ADRA1A: variants seen among roughly 807,000 people sequenced by gnomAD.
The protein encoded by ADRA1A is adrenoceptor alpha 1A.
In ADRA1A, 31 loss-of-function variants were observed where a neutral mutation model predicts 29.6. That is an observed-to-expected ratio of 1.05 (90% CI 0.79 to 1.41). The LOEUF (loss-of-function observed/expected upper bound fraction) is 1.41. Among genes scored for constraint, ADRA1A ranks in the 40% most tolerant of loss-of-function variants. The pLI, the probability that ADRA1A is intolerant of heterozygous loss-of-function variation, is 0.00. For missense variants in ADRA1A, 619 were observed against 601.1 expected (o/e 1.03, Z -0.31); for synonymous variants, 311 against 254.3 (o/e 1.22, Z -2.12).
chr8:26,853,434 A>C lies in ADRA1A; in HGVS notation c.883+10653T>G, dbSNP rs137990290. On this transcript the variant is annotated intron_variant, in intron 2 of 2. Transcript: ENST00000380573. ...GTACAATAGACAAAATAATTTTGAA[A>C]AAGAATATTCATCCAGGCCTTAACC... Among the ~76,000 whole-genome samples the C allele has an allele frequency of 3.1e-3, 471 of 152,336 alleles. 3 individuals are homozygous for C. Among genetic ancestry groups the C allele is most frequent in the African/African-American group, 0.011 (448 of 41,584 alleles).
chr8:26,812,425 T>A (rs1009874809), intron 2 of ADRA1A, among the ~76,000 whole-genome samples: 5 of 152,114 alleles, frequency 3.3e-5, no homozygotes, highest in Non-Finnish European at 7.4e-5. Flanking sequence ...GTTTAAATAA[T>A]AATGACACTA....
In ADRA1A at chr8:26,770,614, A is replaced by G; in HGVS notation, c.936T>C (p.Phe312=). ...KPSETVFKIV[F]WLGYLNSCIN... is the part of the protein sequence containing the mutation. Reference sequence around the variant, plus strand: ...TGCAGCTGTTTAGATATCCGAGCCAAAATACTATTTTAAAAACTGTTTCAG... The same window carrying G: ...TGCAGCTGTTTAGATATCCGAGCCAGAATACTATTTTAAAAACTGTTTCAG... The change falls in exon 3 of 3, where the codon TTT becomes TTC. Residue 312 remains phenylalanine, a synonymous_variant. Coordinates refer to ENST00000380573, the MANE Select transcript of ADRA1A (RefSeq NM_000680.4). 6.2e-7 allele frequency: 1 copy of G among 1,614,170 alleles called. No individual in the cohort carries two copies. Among genetic ancestry groups the G allele is most frequent in the Non-Finnish European group, 8.5e-7 (1 of 1,180,022 alleles).
chr8:26,853,567 T>C (rs1812787329), intron 2 of ADRA1A, among the ~76,000 whole-genome samples: 1 of 152,148 alleles, frequency 6.6e-6, no homozygotes, highest in Non-Finnish European at 1.5e-5. Context: ...TATTCCAAAA[T>C]AGATCCAAAA....
intron 2 of ADRA1A, chr8:26,757,012 T>C (rs1300049528): frequency 2.8e-6 from 2 of 718,646 alleles, no homozygotes; most frequent in Non-Finnish European, 5.0e-6. Flanking sequence ...TGTGAGATGA[T>C]GCTTTTGGTC....
At chr8:26,800,017 G>A (rs143572762) in intron 2 of ADRA1A, among the ~76,000 whole-genome samples, 2,633 of 152,272 alleles carry the variant, frequency 0.017, 66 homozygotes, top group African/African-American at 0.057. Flanking sequence ...CCAGCACTGT[G>A]GGAGGCTGAG....
rs761502705 is a variant in ADRA1A, at chr8:26,864,787, C to T, written c.183G>A (p.Thr61=). The part of the protein sequence containing the change: ...VACHRHLHSV[T]HYYIVNLAVA... ...CCGCCAGGTTGACGATGTAGTAGTG[C>T]GTGACTGAGTGCAGGTGTCGGTGAC... The change falls in exon 2 of 3, where the codon ACG becomes ACA. Residue 61 remains threonine (T), a synonymous_variant. Transcript: ENST00000380573. The surrounding 1 kb of genome is among the most constrained non-coding windows in gnomAD (Gnocchi z 8.1). 1.2e-6 allele frequency: 2 copies of T among 1,614,128 alleles called. No individual in the cohort carries two copies. Among genetic ancestry groups the T allele is most frequent in the African/African-American group, 1.3e-5 (1 of 75,030 alleles).
chr8:26,822,333 A>G (rs903666590), intron 2 of ADRA1A, among the ~76,000 whole-genome samples: 1 of 152,184 alleles, frequency 6.6e-6, no homozygotes, highest in Non-Finnish European at 1.5e-5. Flanking sequence ...ATGTTTTGTT[A>G]AATTGTCTGA....
chr8:26,843,439 C>T (rs1475204805), intron 2 of ADRA1A, among the ~76,000 whole-genome samples: 2 of 152,106 alleles, frequency 1.3e-5, no homozygotes, highest in African/African-American at 4.8e-5. Flanking sequence ...CCACTTCTTC[C>T]CTTTGTCCAG....
intron 2 of ADRA1A, among the ~76,000 whole-genome samples, chr8:26,788,861 A>G (rs1807600684): frequency 6.6e-6 from 1 of 152,300 alleles, no homozygotes; most frequent in South Asian, 2.1e-4. Context: ...TTCACTGGCA[A>G]AATCAGATCC....
At chr8:26,756,554 G>GT in exon 3 of ADRA1A, 2 of 1,545,636 alleles carry the variant, frequency 1.3e-6, no homozygotes, top group Non-Finnish European at 1.7e-6. Context: ...TTAAGTTACT[G>GT]TTTTTCCTGT....
chr8:26,774,627 C>A (rs1209843459), intron 2 of ADRA1A, among the ~76,000 whole-genome samples: 1 of 151,300 alleles, frequency 6.6e-6, no homozygotes, highest in Non-Finnish European at 1.5e-5. Flanking sequence ...TAATGCGCAC[C>A]ACTGCAGTCC....
At chr8:26,824,127 G>A (rs1810375986) in intron 2 of ADRA1A, among the ~76,000 whole-genome samples, 1 of 152,086 alleles carries the variant, frequency 6.6e-6, no homozygotes, top group African/African-American at 2.4e-5. Flanking sequence ...GAAAGAGAAA[G>A]GTATTAGAAA....
chr8:26,775,158 T>A lies in ADRA1A; in HGVS notation c.884-4492A>T, dbSNP rs73678234. Among the ~76,000 whole-genome samples the A allele has an allele frequency of 0.013, 1,951 of 152,296 alleles. 46 individuals carry two copies. Among genetic ancestry groups the A allele is most frequent in the African/African-American group, 0.044 (1,825 of 41,572 alleles). On this transcript the variant is annotated intron_variant, in intron 2 of 2. Transcript: ENST00000380573. This position sits in a 1 kb window ranked among gnomAD's most constrained non-coding sequence, Gnocchi z 4.1. Reference sequence around the variant, plus strand: ...TGCTAGAGTCTTGAAGGCATTCTCCTAGTTTTTGCTGCATGAATGGCCGAC... The same window carrying A: ...TGCTAGAGTCTTGAAGGCATTCTCCAAGTTTTTGCTGCATGAATGGCCGAC...
At chr8:26,839,951 C>T (rs1811696688) in intron 2 of ADRA1A, among the ~76,000 whole-genome samples, 1 of 152,154 alleles carries the variant, frequency 6.6e-6, no homozygotes, top group Admixed American at 6.5e-5. Flanking sequence ...CACATGTTCT[C>T]TATAGGAGAC....
rs929954767 is a variant in ADRA1A at position 26,775,817 on chromosome 8, T to C, written c.884-5151A>G. Among the ~76,000 whole-genome samples the C allele has an allele frequency of 1.3e-5, 2 of 152,232 alleles. No homozygotes were observed. The highest frequency in any genetic ancestry group is 2.9e-5 in the Non-Finnish European group (2 of 68,044). The stretch of plus-strand genomic sequence containing the variant: ...CTGAGGTGGATAGAACAGGAGTTTA[T>C]GGCCAAACACCATCAACATTCTCAT... On this transcript the variant is annotated intron_variant, in intron 2 of 2. Transcript: ENST00000380573. This position sits in a 1 kb window ranked among gnomAD's most constrained non-coding sequence, Gnocchi z 4.1.
chr8:26,779,331 T>C, intron 2 of ADRA1A: 1 of 702,892 alleles, frequency 1.4e-6, no homozygotes, highest in Non-Finnish European at 2.6e-6. Flanking sequence ...TTCCAAATTT[T>C]CCTTCTCCAT....
intron 2 of ADRA1A, among the ~76,000 whole-genome samples, chr8:26,757,700 GC>G (rs201193327): frequency 1.3e-5 from 2 of 152,220 alleles, no homozygotes; most frequent in East Asian, 3.9e-4. Flanking sequence ...TGTGGTTTTG[GC>G]TTGTAAACAT....
At chr8:26,845,940 C>A (rs73564025) in intron 2 of ADRA1A, among the ~76,000 whole-genome samples, 1 of 152,064 alleles carries the variant, frequency 6.6e-6, no homozygotes, top group African/African-American at 2.4e-5. Context: ...CGAGTGATTG[C>A]TAATGGGACC....
chr8:26,767,093 T>A (rs956886168), downstream of ADRA1A, among the ~76,000 whole-genome samples: 2 of 152,162 alleles, frequency 1.3e-5, no homozygotes, highest in African/African-American at 4.8e-5. Flanking sequence ...TCTCTCATAA[T>A]GCATGCAGTT....
Sources: gnomAD v4.1 joint callset for allele counts (sites outside exome capture counted in the v4.1 genomes callset) on GRCh38, gnomAD v4.1.1 for gene constraint, Gnocchi (gnomAD v3.1) non-coding constraint, MANE v1.5 for transcripts, NCBI Gene and HGNC (gene_info 2026-07-23, HGNC 2026-07-21) for gene names.